The following FOCAD variants were observed in gnomAD, a reference collection of about 807,000 sequenced individuals.
FOCAD encodes KIAA1797.
A neutral mutation model predicts 225.6 loss-of-function variants in FOCAD; 198 were observed. That is an observed-to-expected ratio of 0.88 (90% CI 0.78 to 0.99). The LOEUF (loss-of-function observed/expected upper bound fraction) is 0.99. Among genes scored for constraint, FOCAD ranks in the 50% least tolerant of loss-of-function variants. FOCAD has a pLI of 0.00. For synonymous variants in FOCAD, 897 were observed against 755.0 expected (o/e 1.19, Z -3.08); for missense variants, 2,713 against 2,123.6 (o/e 1.28, Z -5.46).
intron 1 of FOCAD, among the ~76,000 whole-genome samples, chr9:20,692,078 CCCTACTA>C (rs1232554290): frequency 4.6e-5 from 7 of 152,152 alleles, no homozygotes; most frequent in Non-Finnish European, 7.3e-5. Flanking sequence ...ACTAGTAATA[CCCTACTA>C]GCTTCCAAAT....
chr9:20,751,286 A>G (rs1563943685), intron 5 of FOCAD, among the ~76,000 whole-genome samples: 1 of 143,328 alleles, frequency 7.0e-6, no homozygotes. Flanking sequence ...CATTAGGTAT[A>G]TCTCCCAGTG....
upstream of FOCAD, among the ~76,000 whole-genome samples, chr9:20,681,122 C>G (rs953567600): frequency 2.0e-5 from 3 of 152,142 alleles, no homozygotes; most frequent in Non-Finnish European, 4.4e-5. Context: ...TTTTAGTTCC[C>G]TTCTGTGTAA....
intron 1 of FOCAD, among the ~76,000 whole-genome samples, chr9:20,708,822 A>G (rs1278599794): frequency 6.6e-6 from 1 of 151,898 alleles, no homozygotes; most frequent in East Asian, 1.9e-4. Flanking sequence ...AGTTTCAGCC[A>G]TATGACTGCC....
At chr9:20,689,049 T>C (rs906140501) in intron 1 of FOCAD, among the ~76,000 whole-genome samples, 3 of 152,198 alleles carry the variant, frequency 2.0e-5, no homozygotes, top group Non-Finnish European at 4.4e-5. Flanking sequence ...GGGATGACGA[T>C]AGAGCCAGGA....
intron 7 of FOCAD, among the ~76,000 whole-genome samples, chr9:20,767,560 T>G (rs984136736): frequency 6.6e-6 from 1 of 151,674 alleles, no homozygotes; most frequent in Non-Finnish European, 1.5e-5. Flanking sequence ...TTGATTTGCA[T>G]TTCTCTGATG....
chr9:20,720,885 A>G (rs1247886013), intron 4 of FOCAD, among the ~76,000 whole-genome samples: 1 of 152,218 alleles, frequency 6.6e-6, no homozygotes, highest in Non-Finnish European at 1.5e-5. Context: ...ACAGTGGTAT[A>G]GTTTATACAT....
intron 27 of FOCAD, among the ~76,000 whole-genome samples, chr9:20,930,116 C>T (rs1428475667): frequency 6.6e-6 from 1 of 152,098 alleles, no homozygotes; most frequent in Non-Finnish European, 1.5e-5. Flanking sequence ...TTTTATAATC[C>T]TTAAAGAGTC....
rs575371955 is a variant in FOCAD, at chr9:20,941,185, A to G, written c.3408-3442A>G. On this transcript the variant is annotated intron_variant, in intron 28 of 43. Coordinates refer to ENST00000338382, the MANE Select transcript of FOCAD (RefSeq NM_001375567.1). Reference sequence around the variant, plus strand: ...CAGAGCAAATTCACCATGCTTCCCGATTTAATGGACATCTCCCTGCTGAAA... The same window carrying G: ...CAGAGCAAATTCACCATGCTTCCCGGTTTAATGGACATCTCCCTGCTGAAA... Among the ~76,000 whole-genome samples, 23 of 152,252 alleles carry G rather than the reference A, an allele frequency of 1.5e-4. 1 individual carries two copies. In the South Asian group the frequency reaches 4.4e-3, roughly 29 times the overall value.
At chr9:20,812,284 T>C (rs1251985198) in intron 11 of FOCAD, among the ~76,000 whole-genome samples, 1 of 152,044 alleles carries the variant, frequency 6.6e-6, no homozygotes, top group African/African-American at 2.4e-5. Flanking sequence ...ATATCTCATA[T>C]AGTAATAAAG....
intron 5 of FOCAD, among the ~76,000 whole-genome samples, chr9:20,742,843 G>C (rs1428574103): frequency 2.0e-5 from 3 of 152,184 alleles, no homozygotes; most frequent in African/African-American, 4.8e-5. Flanking sequence ...GAGAAGCTGA[G>C]AAGAATTGGA....
intron 1 of FOCAD, among the ~76,000 whole-genome samples, chr9:20,686,010 T>G (rs1822644200): frequency 6.6e-6 from 1 of 152,238 alleles, no homozygotes; most frequent in African/African-American, 2.4e-5. Flanking sequence ...TTAAAATGAT[T>G]TATGAAACAG....
chr9:20,802,722 T>G (rs1821981810), intron 11 of FOCAD, among the ~76,000 whole-genome samples: 2 of 152,170 alleles, frequency 1.3e-5, no homozygotes, highest in African/African-American at 4.8e-5. Flanking sequence ...AAAATTTCAT[T>G]AAATGAAATC....
At chr9:20,793,344 G>A (rs899459504) in intron 11 of FOCAD, among the ~76,000 whole-genome samples, 3 of 152,164 alleles carry the variant, frequency 2.0e-5, no homozygotes, top group Admixed American at 1.3e-4. Context: ...ATATCTGTAG[G>A]ATAAAAAGCT....
chr9:20,829,144 G>T (rs2131481726), intron 15 of FOCAD, among the ~76,000 whole-genome samples: 1 of 152,134 alleles, frequency 6.6e-6, no homozygotes, highest in South Asian at 2.1e-4. Flanking sequence ...ATTATTTTGG[G>T]TATATACCCA....
At chr9:20,737,451 C>A (rs937123220) in intron 4 of FOCAD, among the ~76,000 whole-genome samples, 1 of 152,196 alleles carries the variant, frequency 6.6e-6, no homozygotes, top group Non-Finnish European at 1.5e-5. Context: ...AATTCATCAA[C>A]ACTGGTCATT....
intron 21 of FOCAD, among the ~76,000 whole-genome samples, chr9:20,893,765 C>T (rs903024819): frequency 2.0e-5 from 3 of 151,996 alleles, no homozygotes; most frequent in Non-Finnish European, 4.4e-5. Context: ...GGAGCATTCC[C>T]ATACAACTCC....
chr9:20,850,774 A>G (rs1384595881), intron 15 of FOCAD, among the ~76,000 whole-genome samples: 4 of 150,494 alleles, frequency 2.7e-5, no homozygotes, highest in Non-Finnish European at 5.9e-5. Flanking sequence ...GCTCTTTAAT[A>G]TTATTTCCTC....
At chr9:20,710,240 T>C (rs1035363562) in intron 1 of FOCAD, among the ~76,000 whole-genome samples, 1 of 150,498 alleles carries the variant, frequency 6.6e-6, no homozygotes, top group African/African-American at 2.4e-5. Flanking sequence ...TTTTTTTTTT[T>C]TTTTTTTTTT....
intron 9 of FOCAD, among the ~76,000 whole-genome samples, chr9:20,780,456 C>G (rs993541611): frequency 7.2e-5 from 11 of 152,098 alleles, no homozygotes; most frequent in African/African-American, 2.2e-4. Flanking sequence ...TTCTTTCTCT[C>G]GTAAACCAAT....
Sources: gnomAD v4.1 joint callset for allele counts (sites outside exome capture counted in the v4.1 genomes callset) on GRCh38, gnomAD v4.1.1 for gene constraint, MANE v1.5 for transcripts, NCBI Gene and HGNC (gene_info 2026-07-23, HGNC 2026-07-21) for gene names.